SIK3: variants seen among roughly 807,000 people sequenced by gnomAD.
SIK3 encodes the protein serine/threonine-protein kinase SIK3.
Under a neutral mutation model 144.2 loss-of-function variants are expected in SIK3, and 28 were observed. The observed-to-expected ratio is 0.19, with a 90% CI of 0.14 to 0.27. The LOEUF (loss-of-function observed/expected upper bound fraction) is 0.27. Among genes scored for constraint, SIK3 ranks in the 10% least tolerant of loss-of-function variants. The pLI is 1.00. For missense variants in SIK3, 1,319 were observed against 1,776.0 expected (o/e 0.74, Z 4.62); for synonymous variants, 686 against 676.3 (o/e 1.01, Z -0.22).
At chr11:116,954,203 T>G in intron 2 of SIK3, 96 bp from the exon 3 acceptor site, 1 of 903,054 alleles carries the variant, frequency 1.1e-6, no homozygotes, top group South Asian at 1.5e-5. Context: ...TTTGAAATAT[T>G]AATAACCACT....
chr11:116,872,632 G>A (rs895245715), intron 13 of SIK3, among the ~76,000 whole-genome samples: 3 of 152,118 alleles, frequency 2.0e-5, no homozygotes, highest in Non-Finnish European at 4.4e-5. Context: ...TAAATAAAGA[G>A]ACACTTTTAG....
chr11:116,990,330 A>G (rs755585197), intron 1 of SIK3, among the ~76,000 whole-genome samples: 3 of 152,172 alleles, frequency 2.0e-5, no homozygotes, highest in African/African-American at 4.8e-5. Flanking sequence ...ACCTGCCAAC[A>G]TCAGAGCACT....
At chr11:116,944,208 G>C (rs539177208) in intron 3 of SIK3, among the ~76,000 whole-genome samples, 3 of 152,214 alleles carry the variant, frequency 2.0e-5, no homozygotes, top group African/African-American at 7.2e-5. Flanking sequence ...CCAAAGAGAA[G>C]GCCTGGCCTT....
Position 117,060,394 on chromosome 11 carries a change from C to A in SIK3, c.273+37749G>T, listed in dbSNP as rs537872349. Among the ~76,000 whole-genome samples, 5 of 151,780 alleles carry A rather than the reference C, an allele frequency of 3.3e-5. No homozygotes were observed. The East Asian group carries it at 9.7e-4, about 29-fold the overall frequency. ...GGCGGATCACCTGAGATCAGGAGTT[C>A]GAGACCAACCTGGCCAACATGGTGA... On this transcript the variant is annotated intron_variant, in intron 1 of 24. Coordinates refer to ENST00000445177, the MANE Select transcript of SIK3 (RefSeq NM_001366686.3).
intron 1 of SIK3, among the ~76,000 whole-genome samples, chr11:117,038,520 C>T (rs1486077347): frequency 6.6e-6 from 1 of 151,808 alleles, no homozygotes; most frequent in Non-Finnish European, 1.5e-5. Context: ...CCACGCCTGG[C>T]TAATTTTTGT....
At chr11:116,861,740 C>T in intron 18 of SIK3, 101 bp downstream of exon 18, 1 of 764,758 alleles carries the variant, frequency 1.3e-6, no homozygotes, top group African/African-American at 1.8e-5. Context: ...TAGATTCTTG[C>T]AAGATGAATG....
At chr11:117,083,408 T>G (rs978539219) in intron 1 of SIK3, among the ~76,000 whole-genome samples, 2 of 152,208 alleles carry the variant, frequency 1.3e-5, no homozygotes, top group Non-Finnish European at 2.9e-5. Context: ...ACATGTAAGA[T>G]ATTTAGGTAT....
chr11:116,914,152 A>T (rs1946488496), intron 4 of SIK3, among the ~76,000 whole-genome samples: 1 of 151,826 alleles, frequency 6.6e-6, no homozygotes, highest in African/African-American at 2.4e-5. Flanking sequence ...AAAGTAACCC[A>T]ACTGAAAGGT....
At chr11:116,845,843 C>T (rs1941895371) in intron 24 of SIK3, among the ~76,000 whole-genome samples, 1 of 152,234 alleles carries the variant, frequency 6.6e-6, no homozygotes, top group East Asian at 1.9e-4. Flanking sequence ...ATGGTGCCTG[C>T]TGTGTACTCT....
chr11:116,858,494 T>C lies in SIK3; in HGVS notation c.2971A>G (p.Thr991Ala), dbSNP rs770933963. 6.2e-6 allele frequency: 10 copies of C among 1,610,140 alleles called. 1 individual carries two copies. The South Asian group carries it at 1.1e-4, about 18-fold the overall frequency. The change falls in exon 21 of 25, where the codon ACC (threonine) becomes GCC (alanine). Residue 991 changes from threonine to alanine, a missense_variant. Transcript: ENST00000445177. The surrounding 1 kb of genome is among the most constrained non-coding windows in gnomAD (Gnocchi z 5.4). ...AGGGCCTGCTGTAGTGCCGACGTGGTATAGTGTGGCGGCTGCTGATGTGCA... is the reference window on the plus strand; with the variant it reads ...AGGGCCTGCTGTAGTGCCGACGTGGCATAGTGTGGCGGCTGCTGATGTGCA... ...PSAHQQPPHY[T>A]TSALQQALLS...
chr11:116,951,144 C>T (rs1466609037), intron 3 of SIK3, among the ~76,000 whole-genome samples: 4 of 152,088 alleles, frequency 2.6e-5, no homozygotes, highest in Non-Finnish European at 5.9e-5. Context: ...AACCTGTGCA[C>T]CAGAATCATC....
chr11:116,990,429 C>G (rs576262702), intron 1 of SIK3, among the ~76,000 whole-genome samples: 2 of 152,292 alleles, frequency 1.3e-5, no homozygotes, highest in South Asian at 4.1e-4. Context: ...CTTACCAAAA[C>G]TGGGTATAAC....
At chr11:117,038,835 A>C (rs1386533246) in intron 1 of SIK3, among the ~76,000 whole-genome samples, 1 of 151,968 alleles carries the variant, frequency 6.6e-6, no homozygotes, top group African/African-American at 2.4e-5. Flanking sequence ...ATATCATCTG[A>C]GGTCAGGAGA....
At chr11:116,896,788 G>T (rs1945425208) in intron 5 of SIK3, among the ~76,000 whole-genome samples, 1 of 152,174 alleles carries the variant, frequency 6.6e-6, no homozygotes, top group Non-Finnish European at 1.5e-5. Context: ...CATTTTGGGA[G>T]GCCAAGGCGG....
chr11:116,936,258 C>T (rs1428010010), intron 3 of SIK3, among the ~76,000 whole-genome samples: 1 of 152,186 alleles, frequency 6.6e-6, no homozygotes, highest in African/African-American at 2.4e-5. Flanking sequence ...CGGCTCATCA[C>T]AACCTCTGCC....
chr11:116,855,798 T>TC (rs1252769459), intron 21 of SIK3: 1 of 152,280 alleles, frequency 6.6e-6, no homozygotes, highest in African/African-American at 2.4e-5. Flanking sequence ...TCTCTGTGCC[T>TC]CCGCTGTTTC....
rs146604657 is a variant in SIK3 at position 116,927,188 on chromosome 11, C to T, written c.616+31G>A. On this transcript the variant is annotated intron_variant, in intron 4 of 24. Transcript: ENST00000445177. ...GAACCCCAAGGAAAAGCTCCTTTGT[C>T]CCTATCTGACATCCTCAGTACAGTT... is the stretch of plus-strand genomic sequence containing the variant. 1.1e-3 allele frequency: 1,731 copies of T among 1,573,996 alleles called. 2 individuals carry two copies. The highest frequency in any genetic ancestry group is 3.4e-3 in the Middle Eastern group (20 of 5,952).
At chr11:117,092,793 T>C (rs1318177711) in intron 1 of SIK3, among the ~76,000 whole-genome samples, 1 of 152,220 alleles carries the variant, frequency 6.6e-6, no homozygotes, top group African/African-American at 2.4e-5. Flanking sequence ...CATTTTGTTC[T>C]CTTTTACGCG....
At chr11:117,018,555 A>G (rs1951629747) in intron 1 of SIK3, among the ~76,000 whole-genome samples, 3 of 152,128 alleles carry the variant, frequency 2.0e-5, no homozygotes, top group African/African-American at 7.2e-5. Context: ...TGGAACAGGA[A>G]GGAAAGAGCT....
Sources: gnomAD v4.1 joint callset for allele counts (sites outside exome capture counted in the v4.1 genomes callset) on GRCh38, gnomAD v4.1.1 for gene constraint, Gnocchi (gnomAD v3.1) non-coding constraint, MANE v1.5 for transcripts, NCBI Gene and HGNC (gene_info 2026-07-23, HGNC 2026-07-21) for gene names.